The following ADGRA3 variants were observed in gnomAD, a reference collection of about 807,000 sequenced individuals.
The protein encoded by ADGRA3 is G-protein coupled receptor 125.
ADGRA3 carries 56 observed loss-of-function variants against 119.8 expected under a neutral mutation model. The observed-to-expected ratio is 0.47, with a 90% CI of 0.38 to 0.58. The LOEUF (loss-of-function observed/expected upper bound fraction) is 0.58, where lower values mean the gene tolerates loss of function less well. Among genes scored for constraint, ADGRA3 ranks in the 20% least tolerant of loss-of-function variants. ADGRA3 has a pLI of 0.00. For missense variants in ADGRA3, 1,516 were observed against 1,649.0 expected (o/e 0.92, Z 1.40); for synonymous variants, 607 against 623.8 (o/e 0.97, Z 0.40).
chr4:22,420,992 C>G lies in ADGRA3; in HGVS notation c.1703G>C (p.Arg568Pro), dbSNP rs148867805. The stretch of plus-strand genomic sequence containing the variant: ...CCTCCCATAATCCGAAAGTCCTGTA[C>G]GATCAGAGGCTGCCACTTTCTGGAA... The part of the protein sequence containing the change: ...TVFQKVAASD[R>P]TGLSDYGRRD... The change falls in exon 12 of 19, where the codon CGT becomes CCT. Residue 568 changes from arginine to proline, a missense_variant. Around this residue, in one of 2 missense-constraint regions of ADGRA3, gnomAD observed 1,088 missense variants for 1,107.1 expected, o/e 0.98. Transcript: ENST00000334304. 2.0e-5 allele frequency: 32 copies of G among 1,613,928 alleles called. No homozygotes were observed. In the Admixed American group the frequency reaches 4.8e-4, roughly 24 times the overall value.
chr4:22,477,254 G>C (rs1041315760), intron 1 of ADGRA3, among the ~76,000 whole-genome samples: 1 of 152,110 alleles, frequency 6.6e-6, no homozygotes, highest in Non-Finnish European at 1.5e-5. Flanking sequence ...AATAACAATG[G>C]TGCTGTATTC....
chr4:22,495,606 T>C (rs2109157336), intron 1 of ADGRA3, among the ~76,000 whole-genome samples: 2 of 152,092 alleles, frequency 1.3e-5, no homozygotes, highest in South Asian at 4.1e-4. Flanking sequence ...AAATTTCTTT[T>C]ATAAAAGTAT....
In ADGRA3 at chr4:22,495,775, G is replaced by A. The variant is rs528912084; in HGVS notation, c.257+19753C>T. Among the ~76,000 whole-genome samples, 3 of 152,244 alleles carry A rather than the reference G, an allele frequency of 2.0e-5. 1 individual carries two copies. The highest frequency in any genetic ancestry group is 7.2e-5 in the African/African-American group (3 of 41,546). On this transcript the variant is annotated intron_variant, in intron 1 of 18. Transcript: ENST00000334304. ...TACAAAAAAATTAGCCGGGCGTGGT[G>A]GCCGGCACCTGTAGTCCCAGCTACT...
chr4:22,449,822 G>C (rs1216364038), intron 4 of ADGRA3, among the ~76,000 whole-genome samples: 1 of 151,208 alleles, frequency 6.6e-6, no homozygotes, highest in Non-Finnish European at 1.5e-5. Context: ...ACTCCAGCCT[G>C]GGTAACAGAG....
chr4:22,439,049 C>T (rs1716509573), intron 7 of ADGRA3, among the ~76,000 whole-genome samples: 1 of 152,130 alleles, frequency 6.6e-6, no homozygotes, highest in Non-Finnish European at 1.5e-5. Flanking sequence ...GCAGAAACAT[C>T]GTCGTACATT....
intron 16 of ADGRA3, chr4:22,393,798 A>G (rs535490792): frequency 2.4e-4 from 37 of 152,312 alleles, no homozygotes; most frequent in African/African-American, 8.7e-4. Flanking sequence ...CCTCAATTTA[A>G]TAGTAGAAAA....
intron 1 of ADGRA3, 39 bp downstream of exon 1, chr4:22,515,489 C>A (rs370398219): frequency 1.3e-6 from 2 of 1,584,984 alleles, no homozygotes; most frequent in Non-Finnish European, 8.6e-7. Context: ...TAAGAAAGAG[C>A]CGAGCGGGAG....
intron 11 of ADGRA3, 33 bp downstream of exon 11, chr4:22,424,158 T>C (rs1391417794): frequency 6.4e-7 from 1 of 1,567,614 alleles, no homozygotes; most frequent in Non-Finnish European, 8.7e-7. Flanking sequence ...ATGCACTTTT[T>C]TTCTCAGGAG....
At chr4:22,410,038 TCAAAGTTGCTTTGAATACCATTTTA>T (rs1715127860) in intron 14 of ADGRA3, among the ~76,000 whole-genome samples, 1 of 152,178 alleles carries the variant, frequency 6.6e-6, no homozygotes. Flanking sequence ...GTAAATGATA[TCAAAGTTGCTTTGAATACCATTTTA>T]ATCTATAAAA....
chr4:22,392,394 A>G, intron 17 of ADGRA3, 151 bp downstream of exon 17: 1 of 786,948 alleles, frequency 1.3e-6, no homozygotes, highest in East Asian at 2.6e-5. Context: ...CGCAGCGGGA[A>G]GGATGCCTGA....
chr4:22,411,790 G>T (rs1715211489), intron 14 of ADGRA3, among the ~76,000 whole-genome samples: 1 of 151,842 alleles, frequency 6.6e-6, no homozygotes, highest in Non-Finnish European at 1.5e-5. Flanking sequence ...AAATATAGCC[G>T]AGTCTATAAA....
intron 14 of ADGRA3, among the ~76,000 whole-genome samples, chr4:22,407,491 T>C (rs1714990233): frequency 6.6e-6 from 1 of 152,066 alleles, no homozygotes; most frequent in Non-Finnish European, 1.5e-5. Context: ...GTAGAAAAAG[T>C]AAAACTGTTG....
intron 15 of ADGRA3, 41 bp downstream of exon 15, chr4:22,402,634 T>C: frequency 6.3e-7 from 1 of 1,589,470 alleles, no homozygotes; most frequent in Non-Finnish European, 8.5e-7. Flanking sequence ...GTCCTTCAAA[T>C]CAAAGTCCGC....
At chr4:22,471,566 C>T (rs1005971415) in intron 2 of ADGRA3, among the ~76,000 whole-genome samples, 2 of 152,286 alleles carry the variant, frequency 1.3e-5, no homozygotes, top group Middle Eastern at 3.4e-3. Flanking sequence ...TGCATGCCCC[C>T]GCCACACACT....
At chr4:22,390,097 G>C (rs1333596800) in intron 17 of ADGRA3, among the ~76,000 whole-genome samples, 4 of 151,834 alleles carry the variant, frequency 2.6e-5, no homozygotes, top group South Asian at 2.1e-4. Context: ...CCACAGATTA[G>C]AGAGATGCCA....
chr4:22,393,605 C>T (rs1034403165), intron 16 of ADGRA3: 4 of 152,154 alleles, frequency 2.6e-5, no homozygotes, highest in Non-Finnish European at 5.9e-5. Context: ...ACCTAAAGTG[C>T]TGGCTTCCTC....
At chr4:22,436,309 A>G in intron 9 of ADGRA3, 131 bp downstream of exon 9, 1 of 668,580 alleles carries the variant, frequency 1.5e-6, no homozygotes, top group Non-Finnish European at 2.6e-6. Context: ...AAGACAGTTA[A>G]GTCAACTAAA....
intron 1 of ADGRA3, among the ~76,000 whole-genome samples, chr4:22,497,661 A>C (rs1282380481): frequency 1.3e-5 from 2 of 151,752 alleles, no homozygotes; most frequent in African/African-American, 4.8e-5. Flanking sequence ...GTCTCTACTA[A>C]AATCCAAAAA....
In ADGRA3 at chr4:22,388,357, C is replaced by T. The variant is rs1225355665; in HGVS notation, c.3314G>A (p.Ser1105Asn). Residue 1105 changes from serine to asparagine, a missense_variant, in exon 19 of 19, where the codon AGC (serine) becomes AAC (asparagine). Physicochemically the swap from Ser to Asn is conservative, Grantham distance 46 (BLOSUM62 1). Transcript: ENST00000334304. ...ESSCTNKSAS[S>N]FKNSSQGCKL... ...GCAGCCCTGGGAGGAATTTTTGAAG[C>T]TTGAAGCACTTTTGTTTGTGCATGA... The T allele has an allele frequency of 6.2e-7, 1 of 1,613,924 alleles. No homozygotes were observed. Among genetic ancestry groups the T allele is most frequent in the African/African-American group, 1.3e-5 (1 of 74,890 alleles).
Sources: gnomAD v4.1 joint callset for allele counts (sites outside exome capture counted in the v4.1 genomes callset) on GRCh38, gnomAD v4.1.1 for gene constraint, gnomAD v4.1.1 regional missense constraint, MANE v1.5 for transcripts, NCBI Gene and HGNC (gene_info 2026-07-23, HGNC 2026-07-21) for gene names.